The following TACR1 variants were observed in gnomAD, a reference collection of about 807,000 sequenced individuals.
The protein encoded by TACR1 is substance-P receptor.
In TACR1, 25 loss-of-function variants were observed where a neutral mutation model predicts 35.8. That is an observed-to-expected ratio of 0.70 (90% CI 0.51 to 0.98). The LOEUF (loss-of-function observed/expected upper bound fraction) is 0.98. TACR1 is among the 50% of genes least tolerant of loss of function. TACR1 has a pLI of 0.00. For synonymous variants in TACR1, 195 were observed against 206.7 expected, an observed-to-expected ratio of 0.94 and a Z score of 0.48; for missense variants, 478 against 522.9, an observed-to-expected ratio of 0.91 and a Z score of 0.84.
chr2:75,061,881 C>T (rs1415633145), intron 2 of TACR1, among the ~76,000 whole-genome samples: 3 of 152,202 alleles, frequency 2.0e-5, no homozygotes, highest in Non-Finnish European at 4.4e-5. Context: ...ACTGCAGTCT[C>T]TGCTCAAATT....
At chr2:75,142,873 A>G (rs72920618) in intron 1 of TACR1, among the ~76,000 whole-genome samples, 1,890 of 152,332 alleles carry the variant, frequency 0.012, 43 homozygotes, top group African/African-American at 0.043. Flanking sequence ...GCCATTATCT[A>G]TACTTTTAAT....
chr2:75,132,292 C>T (rs1442528716), intron 1 of TACR1, among the ~76,000 whole-genome samples: 1 of 152,156 alleles, frequency 6.6e-6, no homozygotes, highest in Non-Finnish European at 1.5e-5. Context: ...TTAGTTTTAT[C>T]TCTTAAATCT....
chr2:75,101,748 G>T (rs926635705), intron 2 of TACR1, among the ~76,000 whole-genome samples: 4 of 152,120 alleles, frequency 2.6e-5, no homozygotes, highest in African/African-American at 9.7e-5. Context: ...AGGAGTTCAA[G>T]ACCAGCCTGA....
intron 1 of TACR1, among the ~76,000 whole-genome samples, chr2:75,133,057 C>G (rs551656153): frequency 4.5e-4 from 69 of 152,290 alleles, no homozygotes; most frequent in South Asian, 2.1e-3. Context: ...CCACCTTGGG[C>G]AGGTCCTAGG....
chr2:75,101,277 T>C (rs1473853603), intron 2 of TACR1, among the ~76,000 whole-genome samples: 1 of 152,150 alleles, frequency 6.6e-6, no homozygotes, highest in African/African-American at 2.4e-5. Flanking sequence ...ATAAAAATGA[T>C]GTAAGCATCT....
intron 1 of TACR1, among the ~76,000 whole-genome samples, chr2:75,194,807 C>G (rs1434319548): frequency 6.6e-6 from 1 of 152,148 alleles, no homozygotes; most frequent in African/African-American, 2.4e-5. Context: ...CTTGCCCCTA[C>G]CAGGTAGAGA....
intron 1 of TACR1, among the ~76,000 whole-genome samples, chr2:75,172,902 C>G (rs1216066583): frequency 6.6e-6 from 1 of 152,034 alleles, no homozygotes; most frequent in Non-Finnish European, 1.5e-5. Context: ...CTTCATATTG[C>G]CTTTCCTCTA....
intron 2 of TACR1, among the ~76,000 whole-genome samples, chr2:75,119,221 T>C (rs1673918542): frequency 6.6e-6 from 1 of 152,250 alleles, no homozygotes; most frequent in South Asian, 2.1e-4. Flanking sequence ...ATTTGGTTCA[T>C]ACCTTTTGTA....
At chr2:75,123,057 G>A (rs555132653) in intron 1 of TACR1, among the ~76,000 whole-genome samples, 6 of 143,158 alleles carry the variant, frequency 4.2e-5, no homozygotes, top group East Asian at 2.0e-4. Context: ...TATCGTTGCC[G>A]TCTTTCCAAT....
At chr2:75,138,191 A>G (rs544437632) in intron 1 of TACR1, among the ~76,000 whole-genome samples, 1 of 152,294 alleles carries the variant, frequency 6.6e-6, no homozygotes, top group African/African-American at 2.4e-5. Context: ...CCACTTTGAA[A>G]GGGGTATGTG....
At chr2:75,095,340 C>G (rs1410186097) in intron 2 of TACR1, among the ~76,000 whole-genome samples, 1 of 152,152 alleles carries the variant, frequency 6.6e-6, no homozygotes, top group Non-Finnish European at 1.5e-5. Context: ...TTCAGGTAAT[C>G]AGCCAGAGAT....
intron 2 of TACR1, among the ~76,000 whole-genome samples, chr2:75,063,975 A>G (rs187378749): frequency 8.7e-4 from 132 of 152,296 alleles, no homozygotes; most frequent in East Asian, 3.3e-3. Flanking sequence ...ATCAGGTTGT[A>G]AATCCACTGG....
intron 1 of TACR1, among the ~76,000 whole-genome samples, chr2:75,150,403 T>A (rs1339043816): frequency 6.6e-6 from 1 of 151,832 alleles, no homozygotes; most frequent in Admixed American, 6.6e-5. Context: ...CAGGGGGAGG[T>A]AATTGAATCA....
chr2:75,095,988 AT>A (rs1350652573), intron 2 of TACR1, among the ~76,000 whole-genome samples: 1 of 152,146 alleles, frequency 6.6e-6, no homozygotes, highest in Non-Finnish European at 1.5e-5. Flanking sequence ...GTTTTGGATT[AT>A]TTTGTTAGAG....
chr2:75,138,766 A>T (rs11126452), intron 1 of TACR1, among the ~76,000 whole-genome samples: 30,953 of 148,930 alleles, frequency 0.21, 4,132 homozygotes, highest in African/African-American at 0.39. Flanking sequence ...TACTCATTCA[A>T]TCATTCATTC....
chr2:75,147,775 C>T (rs1439984359), intron 1 of TACR1, among the ~76,000 whole-genome samples: 1 of 149,936 alleles, frequency 6.7e-6, no homozygotes, highest in Non-Finnish European at 1.5e-5. Flanking sequence ...ACAGAGTCTC[C>T]CTCTGTAGGC....
At chr2:75,124,822 A>G (rs3771823) in intron 1 of TACR1, among the ~76,000 whole-genome samples, 73,229 of 152,076 alleles carry the variant, frequency 0.48, 18,448 homozygotes, top group Non-Finnish European at 0.54. Context: ...AGCAGGAGGA[A>G]TTAGAACCAT....
intron 1 of TACR1, among the ~76,000 whole-genome samples, chr2:75,193,805 T>A (rs1316266395): frequency 6.6e-6 from 1 of 152,224 alleles, no homozygotes; most frequent in African/African-American, 2.4e-5. Flanking sequence ...ACAACCCATA[T>A]GAAACATTTT....
chr2:75,098,148 G>T (rs1673462517), intron 2 of TACR1, among the ~76,000 whole-genome samples: 3 of 152,126 alleles, frequency 2.0e-5, no homozygotes, highest in African/African-American at 7.2e-5. Context: ...AGTACTAGGA[G>T]ACAGATTCAT....
Sources: allele counts gnomAD v4.1 joint callset (sites outside exome capture counted in the v4.1 genomes callset), GRCh38; gene constraint gnomAD v4.1.1; transcripts MANE v1.5; gene names NCBI Gene and HGNC (gene_info 2026-07-23, HGNC 2026-07-21).